SLC7A11: variants seen among roughly 807,000 people sequenced by gnomAD.
SLC7A11 encodes the protein solute carrier family 7 member 11, also known as cystine/glutamate transporter.
In SLC7A11, 35 loss-of-function variants were observed where a neutral mutation model predicts 54.5. The observed-to-expected ratio is 0.64, with a 90% CI of 0.49 to 0.85. The LOEUF (loss-of-function observed/expected upper bound fraction) is 0.85. SLC7A11 is among the 40% of genes least tolerant of loss of function. The pLI is 0.00. For missense variants in SLC7A11, 583 were observed against 618.1 expected (o/e 0.94, Z 0.60); for synonymous variants, 230 against 225.2 (o/e 1.02, Z -0.19).
At chr4:138,219,414 T>A in intron 4 of SLC7A11, 49 bp from the exon 5 acceptor site, 2 of 1,082,288 alleles carry the variant, frequency 1.8e-6, no homozygotes, top group Non-Finnish European at 2.8e-6. Context: ...AATTGGTTCT[T>A]ATTCACTCTT....
Position 138,240,053 on chromosome 4 carries a change from T to C in SLC7A11, c.277+1740A>G, listed in dbSNP as rs572001854. Among the ~76,000 whole-genome samples, 22 of 152,286 alleles carry C rather than the reference T, an allele frequency of 1.4e-4. 1 individual carries two copies. In the South Asian group the frequency reaches 4.3e-3, roughly 30 times the overall value. ...ATATTAATAGTGGCTAAGGGTACTA[T>C]TAGAGTTTTTCATAATGATATTACT... On this transcript the variant is annotated intron_variant, in intron 1 of 11. Coordinates refer to ENST00000280612, the MANE Select transcript of SLC7A11 (RefSeq NM_014331.4).
chr4:138,233,401 G>A (rs1357542414), intron 2 of SLC7A11, among the ~76,000 whole-genome samples: 1 of 152,062 alleles, frequency 6.6e-6, no homozygotes. Context: ...GGTCAGGCTG[G>A]TCTCGAACTT....
intron 6 of SLC7A11, among the ~76,000 whole-genome samples, chr4:138,207,998 T>C (rs1737449692): frequency 6.6e-6 from 1 of 152,010 alleles, no homozygotes; most frequent in South Asian, 2.1e-4. Context: ...TGAATGCAAA[T>C]AACATGATTG....
chr4:138,234,194 C>CATATAT (rs1479920607), intron 2 of SLC7A11, among the ~76,000 whole-genome samples: 3 of 152,078 alleles, frequency 2.0e-5, no homozygotes, highest in African/African-American at 7.2e-5. Flanking sequence ...TAGTGGAAAC[C>CATATAT]CAATATATAT....
intron 1 of SLC7A11, among the ~76,000 whole-genome samples, chr4:138,236,892 CT>C (rs1738220327): frequency 6.6e-6 from 1 of 151,136 alleles, no homozygotes; most frequent in Non-Finnish European, 1.5e-5. Context: ...TTTGAGAACC[CT>C]TTTAATAAAT....
intron 6 of SLC7A11, among the ~76,000 whole-genome samples, chr4:138,197,966 A>G (rs759968842): frequency 6.6e-6 from 1 of 150,394 alleles, no homozygotes; most frequent in Non-Finnish European, 1.5e-5. Context: ...TATAATAAAT[A>G]AAAAGTATCA....
chr4:138,194,513 A>C (rs917667217), intron 6 of SLC7A11, among the ~76,000 whole-genome samples: 1 of 152,130 alleles, frequency 6.6e-6, no homozygotes, highest in African/African-American at 2.4e-5. Context: ...CTCTCTGCCC[A>C]AGGGAAACAA....
At chr4:138,174,085 C>T (rs748963469) in intron 11 of SLC7A11, among the ~76,000 whole-genome samples, 3 of 152,122 alleles carry the variant, frequency 2.0e-5, no homozygotes, top group African/African-American at 4.8e-5. Context: ...GCCCTGTCTC[C>T]CCAAAGAGAT....
At chr4:138,184,250 T>C (rs1736820992) in intron 7 of SLC7A11, among the ~76,000 whole-genome samples, 2 of 152,142 alleles carry the variant, frequency 1.3e-5, no homozygotes, top group Non-Finnish European at 1.5e-5. Context: ...TGTAGTGAAC[T>C]CATACACAGG....
At chr4:138,220,250 TATAG>T (rs1386647214) in intron 4 of SLC7A11, among the ~76,000 whole-genome samples, 3 of 152,190 alleles carry the variant, frequency 2.0e-5, no homozygotes, top group African/African-American at 7.2e-5. Flanking sequence ...AAGCCTTTCT[TATAG>T]ATAAAGTTTT....
rs1736430736 is a variant in SLC7A11, at chr4:138,171,766, A to G, written c.*190T>C. 5 of 645,826 alleles carry G rather than the reference A, an allele frequency of 7.7e-6. No individual in the cohort carries two copies. Among genetic ancestry groups the G allele is most frequent in the East Asian group, 3.4e-5 (1 of 29,042 alleles). The allele number at this position is 645,826 out of a possible 1,614,324, so 40.0% of individuals were successfully genotyped here. ...TAGAATAACTGCATATTCACTTTCTATAACTACATAGAGTTATAACTAAAT... is the reference window on the plus strand; with the variant it reads ...TAGAATAACTGCATATTCACTTTCTGTAACTACATAGAGTTATAACTAAAT... On this transcript the variant is annotated 3_prime_UTR_variant, in exon 12 of 12. Coordinates refer to ENST00000280612, the MANE Select transcript of SLC7A11 (RefSeq NM_014331.4).
At chr4:138,224,865 T>C (rs1737905254) in intron 3 of SLC7A11, among the ~76,000 whole-genome samples, 1 of 139,200 alleles carries the variant, frequency 7.2e-6, no homozygotes, top group Non-Finnish European at 1.6e-5. Flanking sequence ...GAAGGAGAAA[T>C]AGATCTGGAA....
At chr4:138,236,478 A>G (rs201442256) in intron 1 of SLC7A11, 27 bp from the exon 2 acceptor site, 224 of 1,592,092 alleles carry the variant, frequency 1.4e-4, no homozygotes, top group Non-Finnish European at 1.9e-4. Flanking sequence ...ACAAAATGGT[A>G]CCAATTTAAT....
At chr4:138,236,559 C>T (rs1439705047) in intron 1 of SLC7A11, 108 bp from the exon 2 acceptor site, 1 of 1,076,646 alleles carries the variant, frequency 9.3e-7, no homozygotes, top group East Asian at 2.5e-5. Context: ...GTAACTGCCT[C>T]CTTTGGTCTG....
chr4:138,182,397 A>G lies in SLC7A11; in HGVS notation c.1020-4T>C, dbSNP rs763194903. The G allele has an allele frequency of 6.4e-7, 1 of 1,568,192 alleles. No homozygotes were observed. Among genetic ancestry groups the G allele is most frequent in the Non-Finnish European group, 8.8e-7 (1 of 1,138,926 alleles). On this transcript the variant is annotated splice_polypyrimidine_tract_variant and splice_region_variant and intron_variant, in intron 8 of 11. Coordinates refer to ENST00000280612, the MANE Select transcript of SLC7A11 (RefSeq NM_014331.4). ...TCGAGACGCAACATAGAATAACCTG[A>G]TGGGAGAGAAATGTGGGTGGAGTTG... is the stretch of plus-strand genomic sequence containing the variant.
rs373100601 is a variant in SLC7A11 at position 138,232,344 on chromosome 4, C to T, written c.443G>A (p.Arg148His). The change falls in exon 3 of 12, where the codon CGC becomes CAC. Residue 148 changes from arginine to histidine, a missense_variant. Coordinates refer to ENST00000280612, the MANE Select transcript of SLC7A11 (RefSeq NM_014331.4). ...AATAAAAAATGGTTCCAGAATGTAG[C>T]GTCCAAATGCCAGGGATATCACAGC... is the stretch of plus-strand genomic sequence containing the variant. ...ATAVISLAFG[R>H]YILEPFFIQC... The T allele has an allele frequency of 9.3e-5, 150 of 1,613,126 alleles. No homozygotes were observed. Among genetic ancestry groups the T allele is most frequent in the African/African-American group, 2.1e-4 (16 of 74,836 alleles).
At chr4:138,224,733 AT>A (rs1737895753) in intron 3 of SLC7A11, among the ~76,000 whole-genome samples, 1 of 151,838 alleles carries the variant, frequency 6.6e-6, no homozygotes, top group Non-Finnish European at 1.5e-5. Flanking sequence ...TATTCATGAT[AT>A]ATTACTGATC....
Position 138,170,055 on chromosome 4 carries a change from TG to T in SLC7A11, c.*1900del, listed in dbSNP as rs1299814797. On this transcript the variant is annotated 3_prime_UTR_variant, in exon 12 of 12. Coordinates refer to ENST00000280612, the MANE Select transcript of SLC7A11 (RefSeq NM_014331.4). ...TATGTTTGCCTTTAATAATTTTAATTGGTATAATTCTTTCAAAAATCCTTAT... is the reference window on the plus strand; with the variant it reads ...TATGTTTGCCTTTAATAATTTTAATTGTATAATTCTTTCAAAAATCCTTAT... 3.3e-5 allele frequency: 5 copies of T among 151,226 alleles called. No individual in the cohort carries two copies. The highest frequency in any genetic ancestry group is 1.2e-4 in the African/African-American group (5 of 41,236). The allele number at this position is 151,226 out of a possible 1,614,324, so 9.4% of individuals were successfully genotyped here.
At chr4:138,223,527 T>C (rs1737868444) in intron 3 of SLC7A11, among the ~76,000 whole-genome samples, 2 of 152,196 alleles carry the variant, frequency 1.3e-5, no homozygotes, top group South Asian at 2.1e-4. Flanking sequence ...CTGGTTTTTA[T>C]GCACATTGAA....
Sources: allele counts gnomAD v4.1 joint callset (sites outside exome capture counted in the v4.1 genomes callset), GRCh38; gene constraint gnomAD v4.1.1; transcripts MANE v1.5; gene names NCBI Gene and HGNC (gene_info 2026-07-23, HGNC 2026-07-21).